LRP1B: variants seen among roughly 807,000 people sequenced by gnomAD.
LRP1B encodes the protein low-density lipoprotein receptor-related protein 1B.
Under a neutral mutation model 556.6 loss-of-function variants are expected in LRP1B, and 217 were observed. The observed-to-expected ratio is 0.39, with a 90% confidence interval of 0.35 to 0.44. LRP1B has a LOEUF of 0.44. Ranked by LOEUF, LRP1B falls within the 20% of genes least tolerant of loss-of-function variation. The pLI is 1.00. For synonymous variants in LRP1B, 2,047 were observed against 1,865.8 expected, an observed-to-expected ratio of 1.10 and a Z score of -2.50; for missense variants, 5,053 against 5,620.8, an observed-to-expected ratio of 0.90 and a Z score of 3.23.
chr2:141,037,954 T>A (rs1364844944), intron 11 of LRP1B, among the ~76,000 whole-genome samples: 1 of 151,692 alleles, frequency 6.6e-6, no homozygotes, highest in African/African-American at 2.4e-5. Flanking sequence ...TTTTAAAAGA[T>A]CTACCAGGCT....
chr2:141,972,307 C>T (rs985527559), intron 1 of LRP1B, among the ~76,000 whole-genome samples: 1 of 151,388 alleles, frequency 6.6e-6, no homozygotes, highest in Non-Finnish European at 1.5e-5. Flanking sequence ...ATTTAACTAA[C>T]TTCTCAGATA....
chr2:142,067,632 A>G (rs1262660992), intron 1 of LRP1B, among the ~76,000 whole-genome samples: 1 of 151,568 alleles, frequency 6.6e-6, no homozygotes, highest in Non-Finnish European at 1.5e-5. Flanking sequence ...TTTGAGTATC[A>G]TTTCCTTTGC....
intron 3 of LRP1B, among the ~76,000 whole-genome samples, chr2:141,459,171 G>T (rs992874285): frequency 2.6e-5 from 4 of 152,154 alleles, no homozygotes; most frequent in Non-Finnish European, 4.4e-5. Flanking sequence ...TCCACAGGTG[G>T]TAGTATATGT....
At chr2:140,620,948 C>A (rs1426636457) in intron 41 of LRP1B, among the ~76,000 whole-genome samples, 1 of 151,958 alleles carries the variant, frequency 6.6e-6, no homozygotes, top group African/African-American at 2.4e-5. Flanking sequence ...ATATATTAAA[C>A]AGTTGCTGGG....
At chr2:141,678,476 A>G (rs183370919) in intron 2 of LRP1B, among the ~76,000 whole-genome samples, 280 of 152,316 alleles carry the variant, frequency 1.8e-3, no homozygotes, top group Non-Finnish European at 3.2e-3. Context: ...AAGTCAATTA[A>G]GATGGGCTCG....
At chr2:142,121,285 C>T (rs1434163754) in intron 1 of LRP1B, among the ~76,000 whole-genome samples, 1 of 152,108 alleles carries the variant, frequency 6.6e-6, no homozygotes, top group Non-Finnish European at 1.5e-5. Context: ...AGCATGATCT[C>T]TTTAAAAAGT....
At chr2:141,792,769 T>C (rs1374580562) in intron 2 of LRP1B, among the ~76,000 whole-genome samples, 3 of 152,004 alleles carry the variant, frequency 2.0e-5, no homozygotes, top group African/African-American at 7.2e-5. Context: ...AGGGAACGAA[T>C]AGTGTAATGA....
intron 1 of LRP1B, among the ~76,000 whole-genome samples, chr2:142,086,375 C>T (rs1404432420): frequency 5.3e-5 from 8 of 152,030 alleles, no homozygotes; most frequent in Admixed American, 4.6e-4. Context: ...CTTGGGAGGC[C>T]GAGGTGGACG....
At chr2:141,195,206 C>G (rs1015805841) in intron 6 of LRP1B, among the ~76,000 whole-genome samples, 1 of 152,048 alleles carries the variant, frequency 6.6e-6, no homozygotes, top group East Asian at 1.9e-4. Flanking sequence ...TGGAAGCCAC[C>G]TGCCATGCTA....
chr2:141,690,481 T>C (rs1331032602), intron 2 of LRP1B, among the ~76,000 whole-genome samples: 1 of 142,846 alleles, frequency 7.0e-6, no homozygotes, highest in African/African-American at 2.5e-5. Flanking sequence ...GGACTCTTTC[T>C]TGCTTGAAAT....
chr2:140,638,762 C>T (rs913259396), intron 41 of LRP1B, among the ~76,000 whole-genome samples: 1 of 151,298 alleles, frequency 6.6e-6, no homozygotes, highest in East Asian at 1.9e-4. Flanking sequence ...TAAGTATATA[C>T]ACACACACAC....
rs755015490 is a variant in LRP1B at position 141,480,341 on chromosome 2, T to C, written c.343+55A>G. 29 of 1,595,004 alleles carry C rather than the reference T, an allele frequency of 1.8e-5. No homozygotes were observed. In the Admixed American group the frequency reaches 4.7e-4, roughly 26 times the overall value. ...CAGGTTATAGGTTTTCTTTGAACTT[T>C]CATTACTATGTAAAATTTAATATTT... On this transcript the variant is annotated intron_variant, in intron 3 of 90. Coordinates refer to ENST00000389484, the MANE Select transcript of LRP1B (RefSeq NM_018557.3).
rs374149706 is a variant in LRP1B, at chr2:140,524,878, C to T, written c.8026+966G>A. On this transcript the variant is annotated intron_variant, in intron 49 of 90. Transcript: ENST00000389484. ...AATGCGTGACAGGATCAATACAAGC[C>T]CAAACCTCAGCATCATGCAGTATAC... 3.0e-4 allele frequency among the ~76,000 whole-genome samples: 45 copies of T among 151,790 alleles called. No homozygotes were observed. In the East Asian group the frequency reaches 4.7e-3, roughly 16 times the overall value.
intron 88 of LRP1B, among the ~76,000 whole-genome samples, chr2:140,239,071 A>G (rs2104883667): frequency 6.6e-6 from 1 of 151,018 alleles, no homozygotes; most frequent in East Asian, 2.0e-4. Context: ...AGATGTATAT[A>G]TGCATATCAG....
chr2:141,655,895 G>A (rs530978028), intron 2 of LRP1B, among the ~76,000 whole-genome samples: 1 of 152,024 alleles, frequency 6.6e-6, no homozygotes, highest in African/African-American at 2.4e-5. Flanking sequence ...ATGAAACTGG[G>A]TCTTATTTAC....
Position 140,913,886 on chromosome 2 carries a change from C to T in LRP1B, c.3320-5809G>A, listed in dbSNP as rs145507131. Among the ~76,000 whole-genome samples the T allele has an allele frequency of 2.0e-3, 300 of 152,108 alleles. 2 individuals carry two copies. The highest frequency in any genetic ancestry group is 6.8e-3 in the African/African-American group (284 of 41,518). ...TTTGAACATAACGCAGTTTTACATG[C>T]TGAATATTCAACCTTATTTGTTTAA... On this transcript the variant is annotated intron_variant, in intron 21 of 90. Transcript: ENST00000389484.
chr2:141,324,501 C>A (rs1475916211), intron 3 of LRP1B, among the ~76,000 whole-genome samples: 1 of 151,968 alleles, frequency 6.6e-6, no homozygotes, highest in Non-Finnish European at 1.5e-5. Context: ...TTTTAAATAT[C>A]AGTTATATCA....
chr2:141,855,984 T>C (rs1307753835), intron 1 of LRP1B, among the ~76,000 whole-genome samples: 1 of 152,164 alleles, frequency 6.6e-6, no homozygotes, highest in African/African-American at 2.4e-5. Context: ...CCAATATTAA[T>C]AGCATGAAAT....
In LRP1B at chr2:140,601,473, C is replaced by T. The variant is rs1320117928; in HGVS notation, c.6966G>A (p.Val2322=). 3 of 1,612,034 alleles carry T rather than the reference C, an allele frequency of 1.9e-6. No homozygotes were observed. Among genetic ancestry groups the T allele is most frequent in the Non-Finnish European group, 2.5e-6 (3 of 1,178,686 alleles). The change falls in exon 42 of 91, where the codon GTG becomes GTA. Residue 2322 remains valine, a synonymous_variant. Transcript: ENST00000389484. ...ACTTTTGACATTCATCCAAGGCTAG[C>T]ACATGTGGATGGTCATCTTCTGACA... ...ITMSEDDHPH[V]LALDECQNLM... is the part of the protein sequence containing the mutation.
Sources: allele counts gnomAD v4.1 joint callset (sites outside exome capture counted in the v4.1 genomes callset), GRCh38; gene constraint gnomAD v4.1.1; transcripts MANE v1.5; gene names NCBI Gene and HGNC (gene_info 2026-07-23, HGNC 2026-07-21).